Variants in OPCML observed in about 807,000 individuals in gnomAD.
OPCML encodes the protein opioid-binding protein/cell adhesion molecule.
In OPCML, 13 loss-of-function variants were observed where a neutral mutation model predicts 37.8. The ratio of observed to expected loss-of-function variants is 0.34; its 90% CI spans 0.22 to 0.55. OPCML has a LOEUF of 0.55. OPCML is among the 20% of genes least tolerant of loss of function. The pLI, the probability that OPCML is intolerant of heterozygous loss-of-function variation, is 0.91. For synonymous variants in OPCML, 176 were observed against 168.8 expected (o/e 1.04, Z -0.33); for missense variants, 341 against 435.6 (o/e 0.78, Z 1.93).
At chr11:133,348,083 G>A (rs1944042442) in intron 1 of OPCML, among the ~76,000 whole-genome samples, 1 of 152,170 alleles carries the variant, frequency 6.6e-6, no homozygotes, top group Admixed American at 6.5e-5. Flanking sequence ...TTCTTTCTCT[G>A]GGAGAGAGAA....
At chr11:133,218,993 C>A (rs1228645200) in intron 1 of OPCML, among the ~76,000 whole-genome samples, 1 of 152,172 alleles carries the variant, frequency 6.6e-6, no homozygotes, top group African/African-American at 2.4e-5. Flanking sequence ...TATTTTGATA[C>A]CTTAGCATAT....
At chr11:133,287,279 T>TC (rs1342506739) in intron 1 of OPCML, among the ~76,000 whole-genome samples, 3 of 72,646 alleles carry the variant, frequency 4.1e-5, no homozygotes, top group African/African-American at 2.2e-4. Flanking sequence ...TTCTTTCTTT[T>TC]TTTTTTTTTT....
intron 1 of OPCML, among the ~76,000 whole-genome samples, chr11:133,247,160 T>C (rs1263970192): frequency 1.3e-5 from 2 of 151,972 alleles, no homozygotes; most frequent in African/African-American, 4.8e-5. Flanking sequence ...TATAAACATA[T>C]CACGAAGAAT....
intron 1 of OPCML, among the ~76,000 whole-genome samples, chr11:133,151,727 CTG>C (rs1407899303): frequency 6.6e-6 from 1 of 152,180 alleles, no homozygotes; most frequent in African/African-American, 2.4e-5. Flanking sequence ...TGGTTCCCAC[CTG>C]TGTTCTATCA....
intron 3 of OPCML, among the ~76,000 whole-genome samples, chr11:132,581,010 A>G (rs923834454): frequency 2.6e-5 from 4 of 152,170 alleles, no homozygotes; most frequent in African/African-American, 9.7e-5. Flanking sequence ...CGTCTTATGT[A>G]CTTTGGAAGA....
At chr11:133,314,091 C>T (rs1372338862) in intron 1 of OPCML, among the ~76,000 whole-genome samples, 6 of 139,930 alleles carry the variant, frequency 4.3e-5, no homozygotes, top group Non-Finnish European at 9.3e-5. Flanking sequence ...AAAAATTAGC[C>T]GGGCGTAGTG....
chr11:133,473,583 T>C (rs1181295624), intron 1 of OPCML, among the ~76,000 whole-genome samples: 3 of 152,012 alleles, frequency 2.0e-5, no homozygotes, highest in African/African-American at 7.2e-5. Context: ...GAAAACAAAA[T>C]CAGACGAGAC....
chr11:133,299,778 G>A (rs997628502), intron 1 of OPCML: 1 of 152,150 alleles, frequency 6.6e-6, no homozygotes, highest in African/African-American at 2.4e-5. Context: ...GATGGTGCCT[G>A]AGGAGCTCCA....
chr11:133,398,498 C>T (rs1329956928), intron 1 of OPCML, among the ~76,000 whole-genome samples: 10 of 152,224 alleles, frequency 6.6e-5, no homozygotes, highest in South Asian at 2.1e-4. Context: ...GAATGAGATG[C>T]GTCTTCTCTG....
At chr11:132,941,055 A>G (rs1945560361) in intron 2 of OPCML, among the ~76,000 whole-genome samples, 1 of 152,166 alleles carries the variant, frequency 6.6e-6, no homozygotes, top group Non-Finnish European at 1.5e-5. Flanking sequence ...GATAACAGAT[A>G]ACAGTTATGC....
At chr11:133,195,995 T>G (rs917424195) in intron 1 of OPCML, among the ~76,000 whole-genome samples, 1 of 152,214 alleles carries the variant, frequency 6.6e-6, no homozygotes, top group Admixed American at 6.5e-5. Context: ...AATATAAATT[T>G]AAGGTAGTGA....
Position 132,943,092 on chromosome 11 carries a change from T to C in OPCML, c.62-82A>G. The C allele has an allele frequency of 6.2e-7, 1 of 1,614,038 alleles. No homozygotes were observed. Among genetic ancestry groups the C allele is most frequent in the Admixed American group, 1.7e-5 (1 of 60,028 alleles). On this transcript the variant is annotated intron_variant, in intron 1 of 7. Transcript: ENST00000524381. The surrounding 1 kb of genome is among the most constrained non-coding windows in gnomAD (Gnocchi z 4.3). ...AGGAACAGGTACCCACAGACCCCCA[T>C]TCTCGACAGCCACAACTTCCCAGGA...
At chr11:133,000,464 T>C (rs1264416323) in intron 1 of OPCML, among the ~76,000 whole-genome samples, 2 of 152,194 alleles carry the variant, frequency 1.3e-5, no homozygotes, top group African/African-American at 2.4e-5. Flanking sequence ...AGATGTACCA[T>C]ACAATACCCT....
intron 4 of OPCML, among the ~76,000 whole-genome samples, chr11:132,473,374 T>C (rs1376795822): frequency 6.6e-6 from 1 of 152,192 alleles, no homozygotes; most frequent in Non-Finnish European, 1.5e-5. Context: ...AATCTGTAAG[T>C]GAGGCAGCCC....
At chr11:133,273,241 G>T (rs1475949018) in intron 1 of OPCML, among the ~76,000 whole-genome samples, 2 of 152,142 alleles carry the variant, frequency 1.3e-5, no homozygotes, top group Admixed American at 1.3e-4. Flanking sequence ...GGGATGGGGA[G>T]GGGTTATGAG....
chr11:132,605,415 T>C (rs1938219227), intron 3 of OPCML, among the ~76,000 whole-genome samples: 1 of 149,716 alleles, frequency 6.7e-6, no homozygotes, highest in African/African-American at 2.5e-5. Flanking sequence ...AAAAAAAAAG[T>C]TAGCTGAGTG....
At chr11:132,780,698 G>A (rs1220356479) in intron 2 of OPCML, among the ~76,000 whole-genome samples, 5 of 152,206 alleles carry the variant, frequency 3.3e-5, no homozygotes, top group African/African-American at 7.2e-5. Context: ...AAGGGTGGCC[G>A]TGAGTGTGTG....
chr11:133,412,595 G>A (rs1162263182), intron 1 of OPCML, among the ~76,000 whole-genome samples: 3 of 152,142 alleles, frequency 2.0e-5, no homozygotes, highest in African/African-American at 4.8e-5. Flanking sequence ...AGAACTTGTC[G>A]CATTACCACC....
At chr11:133,027,513 G>GGT (rs1947579130) in intron 1 of OPCML, among the ~76,000 whole-genome samples, 1 of 149,826 alleles carries the variant, frequency 6.7e-6, no homozygotes. Flanking sequence ...TGTGTAGTGC[G>GGT]GTGTGTGTGA....
Sources: allele counts gnomAD v4.1 joint callset (sites outside exome capture counted in the v4.1 genomes callset), GRCh38; gene constraint gnomAD v4.1.1; non-coding constraint Gnocchi (gnomAD v3.1); transcripts MANE v1.5; gene names NCBI Gene and HGNC (gene_info 2026-07-23, HGNC 2026-07-21).